The following CFAP43 variants were observed in gnomAD, a reference collection of about 807,000 sequenced individuals.
CFAP43 encodes cilia- and flagella-associated protein 43.
In CFAP43, 155 loss-of-function variants were observed where a neutral mutation model predicts 218.9. The ratio of observed to expected loss-of-function variants is 0.71; its 90% confidence interval spans 0.62 to 0.81. CFAP43 has a LOEUF of 0.81. Ranked by LOEUF, CFAP43 falls within the 30% of genes least tolerant of loss-of-function variation. CFAP43 has a pLI of 0.00. For synonymous variants in CFAP43, 645 were observed against 681.3 expected, an observed-to-expected ratio of 0.95 and a Z score of 0.83; for missense variants, 1,778 against 1,954.3, an observed-to-expected ratio of 0.91 and a Z score of 1.70.
intron 4 of CFAP43, among the ~76,000 whole-genome samples, chr10:104,212,534 G>T (rs1344060740): frequency 6.6e-6 from 1 of 152,140 alleles, no homozygotes; most frequent in South Asian, 2.1e-4. Flanking sequence ...TTGTTGACAT[G>T]TGAGAATTTT....
At chr10:104,182,126 G>A (rs533332111) in intron 17 of CFAP43, among the ~76,000 whole-genome samples, 2 of 152,088 alleles carry the variant, frequency 1.3e-5, no homozygotes, top group East Asian at 3.9e-4. Context: ...TTTTTTTCCA[G>A]GCAAGCCTGG....
At chr10:104,190,750 C>T (rs1246570202) in intron 12 of CFAP43, among the ~76,000 whole-genome samples, 1 of 152,200 alleles carries the variant, frequency 6.6e-6, no homozygotes, top group Non-Finnish European at 1.5e-5. Flanking sequence ...CCTACCAATT[C>T]CATCACTCGT....
rs745721807 is a variant in CFAP43, at chr10:104,207,647, A to T, written c.895+18T>A. ...CACCCATGGCTATACAGGAATATGAAGTAGGACAGTTTCTTACCCAATGGC... is the reference window on the plus strand; with the variant it reads ...CACCCATGGCTATACAGGAATATGATGTAGGACAGTTTCTTACCCAATGGC... On this transcript the variant is annotated intron_variant, in intron 6 of 37. Coordinates refer to ENST00000357060, the MANE Select transcript of CFAP43 (RefSeq NM_025145.7). The T allele has an allele frequency of 6.2e-7, 1 of 1,607,746 alleles. No individual in the cohort carries two copies. Among genetic ancestry groups the T allele is most frequent in the Non-Finnish European group, 8.5e-7 (1 of 1,177,290 alleles).
intron 3 of CFAP43, among the ~76,000 whole-genome samples, chr10:104,215,632 A>G (rs1245836649): frequency 6.6e-6 from 1 of 152,120 alleles, no homozygotes; most frequent in Non-Finnish European, 1.5e-5. Flanking sequence ...CAGACCCTCA[A>G]TAGGATCTCC....
intron 29 of CFAP43, among the ~76,000 whole-genome samples, chr10:104,146,852 A>T (rs544996769): frequency 1.3e-5 from 2 of 152,312 alleles, no homozygotes; most frequent in African/African-American, 4.8e-5. Context: ...ACCTAGGACC[A>T]TCCAGAGAAA....
rs779444287 is a variant in CFAP43 at position 104,214,255 on chromosome 10, C to A, written c.584+4G>T. On this transcript the variant is annotated splice_donor_region_variant and intron_variant, in intron 4 of 37. Transcript: ENST00000357060. ...GTTGCTACTGTTGTAACAAAGGCTC[C>A]TACCTTGCTCTGAAACAATGCTCCT... is the stretch of plus-strand genomic sequence containing the variant. 5 of 1,576,508 alleles carry A rather than the reference C, an allele frequency of 3.2e-6. No individual in the cohort carries two copies. The South Asian group carries it at 5.9e-5, about 19-fold the overall frequency.
In CFAP43 at chr10:104,182,376, G is replaced by A; in HGVS notation, c.2279C>T (p.Ser760Phe). 6.2e-7 allele frequency: 1 copy of A among 1,605,918 alleles called. No homozygotes were observed. Among genetic ancestry groups the A allele is most frequent in the Non-Finnish European group, 8.5e-7 (1 of 1,177,480 alleles). Residue 760 changes from serine (S) to phenylalanine (F), a missense_variant, in exon 17 of 38, where the codon TCT becomes TTT. By Grantham distance (155) the Ser-to-Phe change is radical. Transcript: ENST00000357060. ...ATATAGGAACTCAACTGTGTGTTCAGAATCGGATCCCAAATCTACGGAAAC... is the reference window on the plus strand; with the variant it reads ...ATATAGGAACTCAACTGTGTGTTCAAAATCGGATCCCAAATCTACGGAAAC... The part of the protein sequence containing the change: ...PKVSVDLGSD[S>F]EHTKQKASTD...
Position 104,214,415 on chromosome 10 carries a change from G to T in CFAP43, c.428C>A (p.Ser143Ter). Residue 143 changes from serine (S) to a stop codon, truncating the protein, a stop_gained, in exon 4 of 38, where the codon TCG (serine) becomes TAG (stop). Transcript: ENST00000357060. LOFTEE classifies it high-confidence loss of function. ...EFELALWNWE[S>*]SIILCKKSQP... is the part of the protein sequence containing the mutation. ...TGATTTCTTACACAAAATGATACTC[G>T]ATTCCCAGTTCCTTAGAGAAAAATA... 1.3e-6 allele frequency: 2 copies of T among 1,583,454 alleles called. No homozygotes were observed. The highest frequency in any genetic ancestry group is 1.7e-6 in the Non-Finnish European group (2 of 1,163,526).
rs2134878192 is a variant in CFAP43, at chr10:104,182,407, G to A, written c.2248C>T (p.Pro750Ser). Reference protein sequence around the residue: ...DKENHYLSTTPKVSVDLGSDS... With the variant: ...DKENHYLSTTSKVSVDLGSDS... ...GATCCCAAATCTACGGAAACTTTTG[G>A]TGTTGTGCTTAAATAATGATTCTCC... The change falls in exon 17 of 38, where the codon CCA becomes TCA. Residue 750 changes from proline (P) to serine (S), a missense_variant. This residue lies in a region of CFAP43 where 1,553 missense variants were observed against 1,685.2 expected (regional missense o/e 0.92). Transcript: ENST00000357060. The A allele has an allele frequency of 6.2e-7, 1 of 1,611,376 alleles. No homozygotes were observed. The highest frequency in any genetic ancestry group is 2.2e-5 in the East Asian group (1 of 44,684).
chr10:104,212,209 G>C, intron 4 of CFAP43, 52 bp from the exon 5 acceptor site: 2 of 1,568,450 alleles, frequency 1.3e-6, no homozygotes, highest in Non-Finnish European at 1.7e-6. Flanking sequence ...ACTTCTTATT[G>C]ATGCAACCAC....
chr10:104,147,992 G>T lies in CFAP43; in HGVS notation c.3667C>A (p.Leu1223Met). The T allele has an allele frequency of 1.3e-6, 2 of 1,576,056 alleles. No individual in the cohort carries two copies. The highest frequency in any genetic ancestry group is 1.7e-6 in the Non-Finnish European group (2 of 1,159,078). ...GAAAATGCAAGGTTACTTATTTTCA[G>T]TTCCTCCTGTAGAAATATTTAAGAA... ...KAEMVTNQEE[L>M]KISNLAFSLL... Residue 1223 changes from leucine (L) to methionine (M), a missense_variant, in exon 29 of 38, where the codon CTG (leucine) becomes ATG (methionine). Transcript: ENST00000357060.
Position 104,192,179 on chromosome 10 carries a change from A to T in CFAP43, c.1546+20T>A, listed in dbSNP as rs2090247275. On this transcript the variant is annotated intron_variant, in intron 12 of 37. Coordinates refer to ENST00000357060, the MANE Select transcript of CFAP43 (RefSeq NM_025145.7). ...TTGAAATAATCAATATTTTAAATTA[A>T]TCAGCATTCTATGTTGTACCTGTGA... 2.0e-6 allele frequency: 3 copies of T among 1,524,608 alleles called. No homozygotes were observed. The highest frequency in any genetic ancestry group is 2.0e-4 in the Middle Eastern group (1 of 5,028). The allele number at this position is 1,524,608 out of a possible 1,614,324, so 94.4% of individuals were successfully genotyped here.
At chr10:104,192,357 T>C in intron 11 of CFAP43, 55 bp from the exon 12 acceptor site, 1 of 1,363,974 alleles carries the variant, frequency 7.3e-7, no homozygotes, top group Non-Finnish European at 1.0e-6. Flanking sequence ...AGCTAGATGG[T>C]GAACAAGTTT....
At chr10:104,183,565 A>AT (rs1235146190) in intron 16 of CFAP43, among the ~76,000 whole-genome samples, 7 of 151,612 alleles carry the variant, frequency 4.6e-5, no homozygotes, top group African/African-American at 1.7e-4. Flanking sequence ...AATTTTTTGT[A>AT]TTTTTAGTAG....
rs956917926 is a variant in CFAP43 at position 104,166,585 on chromosome 10, C to G, written c.2942G>C (p.Ser981Thr). The stretch of plus-strand genomic sequence containing the variant: ...ATCTACCCCAAAATCAGTACTCAGA[C>G]TACCAAGCAGGTAATTGGGCAAATT... ...YSNLPNYLLG[S>T]LSTDFGVDTS... The change falls in exon 23 of 38, where the codon AGT becomes ACT. Residue 981 changes from serine (S) to threonine (T), a missense_variant. By Grantham distance (58) the Ser-to-Thr change is moderately conservative (BLOSUM62 1). Coordinates refer to ENST00000357060, the MANE Select transcript of CFAP43 (RefSeq NM_025145.7). 4 of 1,614,040 alleles carry G rather than the reference C, an allele frequency of 2.5e-6. No homozygotes were observed. In the East Asian group the frequency reaches 8.9e-5, roughly 36 times the overall value.
At chr10:104,168,694 T>G (rs376212109) in intron 21 of CFAP43, 50 bp downstream of exon 21, 152 of 1,458,134 alleles carry the variant, frequency 1.0e-4, no homozygotes, top group Non-Finnish European at 4.2e-5. Flanking sequence ...TTTCCTGAGC[T>G]TTTGATGACA....
In CFAP43 at chr10:104,130,233, T is replaced by C; in HGVS notation, c.4904A>G (p.Asn1635Ser). The change falls in exon 38 of 38, where the codon AAT becomes AGT. Residue 1635 changes from asparagine to serine, a missense_variant. Coordinates refer to ENST00000357060, the MANE Select transcript of CFAP43 (RefSeq NM_025145.7). ...ENMMQQQKLT[N>S]ISKQQAEQIS... ...CTGTTCAGCTTGTTGTTTTGAAATA[T>C]TTGTTAACTTCTGCTGTTGCATCAT... is the stretch of plus-strand genomic sequence containing the variant. 2.5e-6 allele frequency: 4 copies of C among 1,613,464 alleles called. No homozygotes were observed. The highest frequency in any genetic ancestry group is 4.5e-5 in the East Asian group (2 of 44,830).
chr10:104,168,553 A>C (rs2089277594), intron 21 of CFAP43, among the ~76,000 whole-genome samples, 191 bp downstream of exon 21: 2 of 152,220 alleles, frequency 1.3e-5, no homozygotes, highest in Admixed American at 1.3e-4. Context: ...TGGGAAGCAC[A>C]CGGGGACTGA....
chr10:104,172,543 T>C lies in CFAP43; in HGVS notation c.2461-8A>G. The C allele has an allele frequency of 6.3e-7, 1 of 1,582,284 alleles. No homozygotes were observed. The highest frequency in any genetic ancestry group is 8.6e-7 in the Non-Finnish European group (1 of 1,169,214). The stretch of plus-strand genomic sequence containing the variant: ...TTCCATCATATTCAGAATCTGAATG[T>C]TGAAATAAAAAAGAGTGCTGACAAG... On this transcript the variant is annotated splice_region_variant and splice_polypyrimidine_tract_variant and intron_variant, in intron 19 of 37. Transcript: ENST00000357060.
Sources: allele counts gnomAD v4.1 joint callset (sites outside exome capture counted in the v4.1 genomes callset), GRCh38; gene constraint gnomAD v4.1.1; regional missense constraint gnomAD v4.1.1; transcripts MANE v1.5; gene names NCBI Gene and HGNC (gene_info 2026-07-23, HGNC 2026-07-21).